The following ZNF217 variants were observed in gnomAD, a reference collection of about 807,000 sequenced individuals.
ZNF217 encodes zinc finger protein 217.
In ZNF217, 12 loss-of-function variants were observed where a neutral mutation model predicts 73.3. The ratio of observed to expected loss-of-function variants is 0.16; its 90% CI spans 0.10 to 0.27. The LOEUF is 0.27. ZNF217 is among the 10% of genes least tolerant of loss of function. The probability of loss-of-function intolerance (pLI) is 1.00; values close to 1 mark genes in which losing one functional copy is unlikely to be tolerated. For synonymous variants in ZNF217, 588 were observed against 516.4 expected (o/e 1.14, Z -1.88); for missense variants, 1,195 against 1,327.8 (o/e 0.90, Z 1.55).
rs1025817952 is a variant in ZNF217, at chr20:53,568,276, A to C, written c.*1012T>G. On this transcript the variant is annotated 3_prime_UTR_variant, in exon 6 of 6. Coordinates refer to ENST00000371471, the MANE Select transcript of ZNF217 (RefSeq NM_006526.3). ...AATACAAACCTAAAATGTTCCCCCC[A>C]AAATTTCCCTTAAAACTGTTCCCCA... 2 of 152,274 alleles carry C rather than the reference A, an allele frequency of 1.3e-5. No homozygotes were observed. The highest frequency in any genetic ancestry group is 2.9e-5 in the Non-Finnish European group (2 of 68,008). 9.4% of individuals were successfully genotyped at this position (152,274 alleles called of 1,614,324 possible).
intron 1 of ZNF217, among the ~76,000 whole-genome samples, chr20:53,592,110 C>T (rs1427676231): frequency 6.6e-6 from 1 of 152,158 alleles, no homozygotes; most frequent in Non-Finnish European, 1.5e-5. Flanking sequence ...CTAAATCAGA[C>T]CTAGGCTTCT....
At chr20:53,578,475 A>G in intron 2 of ZNF217, 25 bp from the exon 3 acceptor site, 1 of 1,454,894 alleles carries the variant, frequency 6.9e-7, no homozygotes, top group South Asian at 1.3e-5. Flanking sequence ...AAAAATATTT[A>G]TATAAGAAGG....
chr20:53,582,116 C>T lies in ZNF217; in HGVS notation c.711G>A (p.Val237=). 1.2e-6 allele frequency: 2 copies of T among 1,614,186 alleles called. No individual in the cohort carries two copies. Among genetic ancestry groups the T allele is most frequent in the Non-Finnish European group, 8.5e-7 (1 of 1,180,030 alleles). Residue 237 remains valine (V), a synonymous_variant, in exon 2 of 6, where the codon GTG becomes GTA. Coordinates refer to ENST00000371471, the MANE Select transcript of ZNF217 (RefSeq NM_006526.3). The surrounding 1 kb of genome is among the most constrained non-coding windows in gnomAD (Gnocchi z 4.8). Reference sequence around the variant, plus strand: ...TACCGAAAGCAGTTTTTTTGGTGTGCACCTTGCGGTGCTCAATTAGACTTT... The same window carrying T: ...TACCGAAAGCAGTTTTTTTGGTGTGTACCTTGCGGTGCTCAATTAGACTTT... ...NKESLIEHRK[V]HTKKTAFGTS...
upstream of ZNF217, among the ~76,000 whole-genome samples, chr20:53,596,664 C>T (rs922136989): frequency 6.6e-6 from 1 of 152,170 alleles, no homozygotes; most frequent in African/African-American, 2.4e-5. Flanking sequence ...GGAACTCATA[C>T]TGCACAAAGT....
intron 1 of ZNF217, among the ~76,000 whole-genome samples, chr20:53,587,229 T>C (rs1461759993): frequency 1.3e-5 from 2 of 152,230 alleles, no homozygotes; most frequent in African/African-American, 4.8e-5. Context: ...AAGGCTGGAA[T>C]AGAAGTGTGA....
intron 4 of ZNF217, 86 bp downstream of exon 4, chr20:53,575,641 A>G: frequency 7.7e-7 from 1 of 1,304,504 alleles, no homozygotes; most frequent in Non-Finnish European, 1.0e-6. Context: ...CACCCTTGGG[A>G]GTGGTACCAT....
At chr20:53,591,508 T>C (rs1600731597) in intron 1 of ZNF217, among the ~76,000 whole-genome samples, 1 of 152,344 alleles carries the variant, frequency 6.6e-6, no homozygotes, top group East Asian at 1.9e-4. Flanking sequence ...GTATTTTAAA[T>C]AACTTACTGC....
intron 1 of ZNF217, among the ~76,000 whole-genome samples, chr20:53,589,333 T>G (rs1015096816): frequency 6.6e-5 from 10 of 152,246 alleles, no homozygotes; most frequent in African/African-American, 2.4e-4. Flanking sequence ...AGTAATTTTA[T>G]TTCTCAACTT....
chr20:53,579,570 G>A (rs1312112930), intron 2 of ZNF217, among the ~76,000 whole-genome samples: 6 of 151,994 alleles, frequency 3.9e-5, no homozygotes, highest in Non-Finnish European at 8.8e-5. Context: ...TGCAATTTCC[G>A]ACTCCCAACT....
chr20:53,570,445 G>A (rs2766673), intron 5 of ZNF217: 11,436 of 152,798 alleles, frequency 0.075, 555 homozygotes, highest in Non-Finnish European at 0.11. Context: ...GCTGCTCAAC[G>A]AATATACAGT....
intron 1 of ZNF217, among the ~76,000 whole-genome samples, chr20:53,592,195 G>A (rs1438262180): frequency 1.3e-5 from 2 of 152,158 alleles, no homozygotes; most frequent in African/African-American, 2.4e-5. Context: ...ACACACAGTG[G>A]CCAATAATAC....
intron 2 of ZNF217, among the ~76,000 whole-genome samples, chr20:53,580,961 A>C (rs1988458342): frequency 6.6e-6 from 1 of 152,148 alleles, no homozygotes; most frequent in Non-Finnish European, 1.5e-5. Context: ...GACATTTGGG[A>C]CCAGATAATT....
chr20:53,569,373 C>T (rs1600707734), intron 5 of ZNF217, 109 bp from the exon 6 acceptor site: 1 of 747,500 alleles, frequency 1.3e-6, no homozygotes, highest in Non-Finnish European at 1.8e-6. Flanking sequence ...CCTAGAAATG[C>T]AATGGGTTCT....
upstream of ZNF217, among the ~76,000 whole-genome samples, chr20:53,597,043 G>C (rs1394609696): frequency 7.8e-6 from 1 of 128,108 alleles, no homozygotes; most frequent in Non-Finnish European, 1.5e-5. Context: ...TTTCTATCCA[G>C]ATCCTGCCAG....
intron 3 of ZNF217, 80 bp from the exon 4 acceptor site, chr20:53,577,360 C>T (rs1988322935): frequency 4.6e-6 from 6 of 1,294,472 alleles, no homozygotes; most frequent in South Asian, 1.5e-5. Context: ...ATTAAGAAAA[C>T]AGGCTTCTTT....
chr20:53,582,428 A>G lies in ZNF217; in HGVS notation c.399T>C (p.Cys133=), dbSNP rs1326862. ...CAAAAGCGACTCTAAATGTCTGCCC[A>G]CATACCTCACAGCTAAATTCATTTT... The part of the protein sequence containing the change: ...CKENEFSCEV[C]GQTFRVAFDV... The change falls in exon 2 of 6, where the codon TGT becomes TGC. Residue 133 remains cysteine (C), a synonymous_variant. Transcript: ENST00000371471. This position sits in a 1 kb window ranked among gnomAD's most constrained non-coding sequence, Gnocchi z 4.8. The G allele has an allele frequency of 0.043, 68,874 of 1,614,158 alleles. 2,849 individuals carry two copies. Among genetic ancestry groups the G allele is most frequent in the East Asian group, 0.18 (7,890 of 44,872 alleles).
intron 4 of ZNF217, 68 bp downstream of exon 4, chr20:53,575,659 G>T: frequency 7.0e-7 from 1 of 1,434,834 alleles, no homozygotes; most frequent in South Asian, 1.4e-5. Flanking sequence ...CATCTCCACT[G>T]AGAATGCCTG....
upstream of ZNF217, among the ~76,000 whole-genome samples, chr20:53,597,351 T>C (rs1989059786): frequency 6.6e-6 from 1 of 151,888 alleles, no homozygotes; most frequent in African/African-American, 2.4e-5. Context: ...AAAACTGCAG[T>C]GAGGAGTTAG....
intron 1 of ZNF217, among the ~76,000 whole-genome samples, chr20:53,593,011 AATCTTT>A (rs1000164182): frequency 3.3e-5 from 5 of 152,064 alleles, no homozygotes; most frequent in Non-Finnish European, 7.4e-5. Flanking sequence ...GACTTAAAAA[AATCTTT>A]AAAATTAGAG....
Sources: allele counts gnomAD v4.1 joint callset (sites outside exome capture counted in the v4.1 genomes callset), GRCh38; gene constraint gnomAD v4.1.1; non-coding constraint Gnocchi (gnomAD v3.1); transcripts MANE v1.5; gene names NCBI Gene and HGNC (gene_info 2026-07-23, HGNC 2026-07-21).